MTOR: variants seen among roughly 807,000 people sequenced by gnomAD.
The protein encoded by MTOR is serine/threonine-protein kinase mTOR.
A neutral mutation model predicts 319.8 loss-of-function variants in MTOR; 70 were observed. The observed-to-expected ratio is 0.22, with a 90% confidence interval of 0.18 to 0.27. MTOR has a LOEUF of 0.27. Among genes scored for constraint, MTOR ranks in the 10% least tolerant of loss-of-function variants. The pLI, the probability that MTOR is intolerant of heterozygous loss-of-function variation, is 1.00. For synonymous variants in MTOR, 1,183 were observed against 1,211.4 expected, an observed-to-expected ratio of 0.98 and a Z score of 0.49; for missense variants, 1,890 against 3,274.4, an observed-to-expected ratio of 0.58 and a Z score of 10.32.
At chr1:11,158,340 G>C (rs1171816088) in intron 29 of MTOR, among the ~76,000 whole-genome samples, 1 of 152,114 alleles carries the variant, frequency 6.6e-6, no homozygotes, top group Non-Finnish European at 1.5e-5. Flanking sequence ...GCAGTATGTA[G>C]ACTAACAACT....
At chr1:11,179,829 A>G (rs546846922) in intron 28 of MTOR, among the ~76,000 whole-genome samples, 8 of 152,350 alleles carry the variant, frequency 5.3e-5, no homozygotes, top group Admixed American at 2.6e-4. Flanking sequence ...TCTTTGCAGC[A>G]TGGAGCTTTT....
intron 28 of MTOR, among the ~76,000 whole-genome samples, chr1:11,197,149 C>T (rs1006269716): frequency 6.6e-6 from 1 of 152,124 alleles, no homozygotes; most frequent in Non-Finnish European, 1.5e-5. Context: ...GGAAGGAATT[C>T]AATCCCTTAC....
At chr1:11,254,613 G>C (rs182456563) in intron 5 of MTOR, among the ~76,000 whole-genome samples, 4 of 152,024 alleles carry the variant, frequency 2.6e-5, no homozygotes, top group Non-Finnish European at 5.9e-5. Context: ...TCTAATATAA[G>C]ACTCACTGAT....
Position 11,231,187 on chromosome 1 carries a change from A to G in MTOR, c.2649+113T>C. ...TGACCAGCTACATGAACAAAATTGG[A>G]GAGGGACAGGAAGTCTGACTGACAC... is the stretch of plus-strand genomic sequence containing the variant. On this transcript the variant is annotated intron_variant, in intron 17 of 57. Coordinates refer to ENST00000361445, the MANE Select transcript of MTOR (RefSeq NM_004958.4). 1.9e-6 allele frequency: 3 copies of G among 1,582,116 alleles called. 1 individual carries two copies.
chr1:11,127,139 A>G lies in MTOR; in HGVS notation c.6222T>C (p.Tyr2074=). The G allele has an allele frequency of 6.2e-7, 1 of 1,614,064 alleles. No individual in the cohort carries two copies. Among genetic ancestry groups the G allele is most frequent in the Non-Finnish European group, 8.5e-7 (1 of 1,180,008 alleles). Residue 2074 remains tyrosine, a synonymous_variant, in exon 45 of 58, where the codon TAT becomes TAC. Transcript: ENST00000361445. The surrounding 1 kb of genome is among the most constrained non-coding windows in gnomAD (Gnocchi z 5.5). ...TLKETSFNQA[Y]GRDLMEAQEW... is the part of the protein sequence containing the mutation. ...CTTGGGCCTCCATTAAATCTCGACCATAGGCCTGAGAGAGAAAGCAGGCAC... is the reference window on the plus strand; with the variant it reads ...CTTGGGCCTCCATTAAATCTCGACCGTAGGCCTGAGAGAGAAAGCAGGCAC...
intron 11 of MTOR, 129 bp from the exon 12 acceptor site, chr1:11,238,746 G>T: frequency 1.4e-6 from 1 of 717,544 alleles, no homozygotes; most frequent in Non-Finnish European, 2.3e-6. Flanking sequence ...TGATCAATAC[G>T]ATACTGACCC....
At chr1:11,135,226 C>G (rs12124629) in intron 36 of MTOR, among the ~76,000 whole-genome samples, 14,752 of 151,976 alleles carry the variant, frequency 0.097, 1,206 homozygotes, top group African/African-American at 0.2. Flanking sequence ...TTGATAAGTG[C>G]GGTCCATATC....
At position 11,115,541 on chromosome 1, in the gene MTOR, T is replaced by C. The variant is rs1319076028; in HGVS notation, c.7017-73A>G. 7.0e-6 allele frequency: 10 copies of C among 1,423,992 alleles called. No homozygotes were observed. The Admixed American group carries it at 1.3e-4, about 19-fold the overall frequency. The allele number at this position is 1,423,992 out of a possible 1,614,324, so 88.2% of individuals were successfully genotyped here. A position where few individuals can be genotyped will look rare whatever the true frequency, so the allele number is the denominator to read the frequency against. ...GATGAAAAAATCAATAAGTACGTGA[T>C]ACTGTAAGCTAGGAGTTGGCAAACG... On this transcript the variant is annotated intron_variant, in intron 50 of 57. Coordinates refer to ENST00000361445, the MANE Select transcript of MTOR (RefSeq NM_004958.4). This position sits in a 1 kb window ranked among gnomAD's most constrained non-coding sequence, Gnocchi z 4.5.
intron 45 of MTOR, 42 bp from the exon 46 acceptor site, chr1:11,126,838 G>A (rs2100398670): frequency 6.3e-7 from 1 of 1,597,986 alleles, no homozygotes; most frequent in Non-Finnish European, 8.5e-7. Flanking sequence ...TGCCTCCAGG[G>A]AAGAATTTAA....
At chr1:11,113,100 G>A (rs545152213) in intron 53 of MTOR, among the ~76,000 whole-genome samples, 183 bp from the exon 54 acceptor site, 1 of 152,272 alleles carries the variant, frequency 6.6e-6, no homozygotes, top group Admixed American at 6.5e-5. Flanking sequence ...GAAACCCAGG[G>A]GGACACTCTA....
intron 6 of MTOR, among the ~76,000 whole-genome samples, chr1:11,250,317 A>G (rs1022602159): frequency 1.3e-5 from 2 of 151,244 alleles, no homozygotes; most frequent in African/African-American, 4.9e-5. Flanking sequence ...GGCCGGGCAG[A>G]GGGGCTCCTC....
rs1363474565 is a variant in MTOR at position 11,210,098 on chromosome 1, C to T, written c.3655-640G>A. On this transcript the variant is annotated intron_variant, in intron 24 of 57. Transcript: ENST00000361445. Reference sequence around the variant, plus strand: ...GGCCAGGCTGGTCTTGAACTCCTGACCTCAAGTGATCCTCCCGCCTCAGCC... The same window carrying T: ...GGCCAGGCTGGTCTTGAACTCCTGATCTCAAGTGATCCTCCCGCCTCAGCC... 5.3e-5 allele frequency among the ~76,000 whole-genome samples: 8 copies of T among 152,178 alleles called. 1 individual carries two copies. The highest frequency in any genetic ancestry group is 1.9e-4 in the African/African-American group (8 of 41,530).
chr1:11,110,199 C>T (rs1056914800), intron 54 of MTOR, among the ~76,000 whole-genome samples: 8 of 152,220 alleles, frequency 5.3e-5, no homozygotes, highest in Non-Finnish European at 8.8e-5. Context: ...AAATTAACTT[C>T]GGAATGTGTC....
chr1:11,158,364 G>A (rs909293057), intron 29 of MTOR, among the ~76,000 whole-genome samples: 4 of 152,146 alleles, frequency 2.6e-5, no homozygotes, highest in Non-Finnish European at 5.9e-5. Context: ...CTGCTAAGCT[G>A]TCTAAAATAA....
At chr1:11,233,035 A>G in intron 15 of MTOR, 1 of 993,928 alleles carries the variant, frequency 1.0e-6, no homozygotes, top group Non-Finnish European at 1.6e-6. Context: ...CCCATTCCCC[A>G]GTGGATTCGG....
chr1:11,156,502 C>G (rs1314459389), intron 30 of MTOR, among the ~76,000 whole-genome samples: 19 of 152,086 alleles, frequency 1.2e-4, no homozygotes, highest in Admixed American at 9.2e-4. Context: ...ACCTGTTTCC[C>G]CCCTACCTTC....
At chr1:11,157,417 T>C (rs1378183152) in intron 29 of MTOR, 126 bp from the exon 30 acceptor site, 4 of 1,208,578 alleles carry the variant, frequency 3.3e-6, no homozygotes, top group Admixed American at 6.5e-5. Context: ...CAGTTACGTC[T>C]GGGCTTGGAT....
chr1:11,256,668 C>T (rs1446540028), intron 4 of MTOR, among the ~76,000 whole-genome samples: 2 of 152,116 alleles, frequency 1.3e-5, no homozygotes, highest in East Asian at 3.9e-4. Context: ...AAGTGTGTGT[C>T]CTTTTCCTGG....
Position 11,199,711 on chromosome 1 carries a change from C to A in MTOR, c.3945-8G>T, listed in dbSNP as rs371771889. On this transcript the variant is annotated splice_polypyrimidine_tract_variant and splice_region_variant and intron_variant, in intron 26 of 57. Transcript: ENST00000361445. The surrounding 1 kb of genome is among the most constrained non-coding windows in gnomAD (Gnocchi z 4.5). ...GCAGCATTGAAGAGATCCCTGAAGGCAGAGAAGGTGGAAAATGGAGAGACC... is the reference window on the plus strand; with the variant it reads ...GCAGCATTGAAGAGATCCCTGAAGGAAGAGAAGGTGGAAAATGGAGAGACC... The A allele has an allele frequency of 1.9e-6, 3 of 1,612,752 alleles. No homozygotes were observed. In the African/African-American group the frequency reaches 4.0e-5, roughly 22 times the overall value.
Sources: gnomAD v4.1 joint callset for allele counts (sites outside exome capture counted in the v4.1 genomes callset) on GRCh38, gnomAD v4.1.1 for gene constraint, Gnocchi (gnomAD v3.1) non-coding constraint, MANE v1.5 for transcripts, NCBI Gene and HGNC (gene_info 2026-07-23, HGNC 2026-07-21) for gene names.